The following ATP2B4 variants were observed in gnomAD, a reference collection of about 807,000 sequenced individuals.
ATP2B4 encodes the protein plasma membrane calcium-transporting ATPase 4.
Under a neutral mutation model 110.3 loss-of-function variants are expected in ATP2B4, and 39 were observed. The ratio of observed to expected loss-of-function variants is 0.35; its 90% CI spans 0.27 to 0.46. ATP2B4 has a LOEUF of 0.46. Among genes scored for constraint, ATP2B4 ranks in the 20% least tolerant of loss-of-function variants. The pLI, the probability that ATP2B4 is intolerant of heterozygous loss-of-function variation, is 1.00. For missense variants in ATP2B4, 1,135 were observed against 1,530.9 expected (o/e 0.74, Z 4.32); for synonymous variants, 538 against 571.7 (o/e 0.94, Z 0.84).
intron 20 of ATP2B4, among the ~76,000 whole-genome samples, chr1:203,730,433 G>A (rs960262225): frequency 2.6e-5 from 4 of 152,052 alleles, no homozygotes; most frequent in Non-Finnish European, 5.9e-5. Context: ...CTGACTCCAA[G>A]TACCCATAGA....
chr1:203,677,164 C>T (rs1664852544), intron 1 of ATP2B4, among the ~76,000 whole-genome samples: 1 of 151,956 alleles, frequency 6.6e-6, no homozygotes, highest in Non-Finnish European at 1.5e-5. Context: ...GGTGAGAATT[C>T]AATGAAACAG....
intron 20 of ATP2B4, chr1:203,733,518 G>T: frequency 9.0e-7 from 1 of 1,106,240 alleles, no homozygotes; most frequent in South Asian, 1.9e-5. Context: ...TTGATATTTT[G>T]ACTTAAGGGA....
intron 8 of ATP2B4, among the ~76,000 whole-genome samples, chr1:203,704,361 A>G (rs1026581840): frequency 1.3e-5 from 2 of 151,666 alleles, no homozygotes; most frequent in Admixed American, 6.6e-5. Flanking sequence ...ACTTGCCTCT[A>G]CATTTTCCTG....
In ATP2B4 at chr1:203,699,663, A is replaced by G; in HGVS notation, c.595A>G (p.Ile199Val). The change falls in exon 4 of 21, where the codon ATC becomes GTC. Residue 199 changes from isoleucine (I) to valine (V), a missense_variant. By Grantham distance (29) the Ile-to-Val change is conservative. This residue lies in a region of ATP2B4 where 101 missense variants were observed against 182.6 expected (regional missense o/e 0.55). Coordinates refer to ENST00000357681, the MANE Select transcript of ATP2B4 (RefSeq NM_001684.5). ...CTCCATCATCCGAAACGGTCAACTCATCCAGCTCCCTGTGGCTGAGATTGT... is the reference window on the plus strand; with the variant it reads ...CTCCATCATCCGAAACGGTCAACTCGTCCAGCTCCCTGTGGCTGAGATTGT... ...KFSIIRNGQLIQLPVAEIVVG... is the reference protein window; with the variant it reads ...KFSIIRNGQLVQLPVAEIVVG... The G allele has an allele frequency of 1.9e-6, 3 of 1,613,540 alleles. No homozygotes were observed. Among genetic ancestry groups the G allele is most frequent in the Non-Finnish European group, 2.5e-6 (3 of 1,179,462 alleles).
chr1:203,713,213 G>A lies in ATP2B4; in HGVS notation c.2260G>A (p.Ala754Thr), dbSNP rs757293068. The A allele has an allele frequency of 6.2e-7, 1 of 1,614,044 alleles. No individual in the cohort carries two copies. Among genetic ancestry groups the A allele is most frequent in the Non-Finnish European group, 8.5e-7 (1 of 1,180,022 alleles). Reference sequence around the variant, plus strand: ...GATCTGGCCTAAGCTTCGGGTCCTGGCGCGATCTTCTCCCACTGACAAGCA... The same window carrying A: ...GATCTGGCCTAAGCTTCGGGTCCTGACGCGATCTTCTCCCACTGACAAGCA... ...DKIWPKLRVL[A>T]RSSPTDKHTL... Residue 754 changes from alanine (A) to threonine (T), a missense_variant, in exon 14 of 21, where the codon GCG becomes ACG. Coordinates refer to ENST00000357681, the MANE Select transcript of ATP2B4 (RefSeq NM_001684.5).
intron 1 of ATP2B4, among the ~76,000 whole-genome samples, chr1:203,667,888 A>G (rs373221600): frequency 1.2e-4 from 19 of 152,324 alleles, no homozygotes; most frequent in African/African-American, 4.6e-4. Flanking sequence ...ACTGAAAAAG[A>G]TCCCTCTCTG....
chr1:203,678,996 A>T (rs905316849), intron 1 of ATP2B4, among the ~76,000 whole-genome samples: 3 of 152,230 alleles, frequency 2.0e-5, no homozygotes, highest in Non-Finnish European at 4.4e-5. Context: ...CTTAATGATC[A>T]TGTAAAGCAT....
intron 3 of ATP2B4, among the ~76,000 whole-genome samples, chr1:203,698,727 C>A (rs1035982111): frequency 6.6e-6 from 1 of 152,072 alleles, no homozygotes; most frequent in African/African-American, 2.4e-5. Flanking sequence ...ACTGCAACCT[C>A]CTGGGTTCAA....
At chr1:203,661,811 G>T (rs1364025271) in intron 1 of ATP2B4, among the ~76,000 whole-genome samples, 1 of 151,918 alleles carries the variant, frequency 6.6e-6, no homozygotes, top group Non-Finnish European at 1.5e-5. Flanking sequence ...TGACTGACCT[G>T]TGCCCCACTG....
chr1:203,699,805 G>A, intron 4 of ATP2B4, 88 bp downstream of exon 4: 15 of 1,544,802 alleles, frequency 9.7e-6, no homozygotes, highest in Non-Finnish European at 1.3e-5. Flanking sequence ...GGGAATTGCT[G>A]AAAACCCAAA....
At chr1:203,672,344 TTTTTTTTTTTTTA>T (rs1178678199) in intron 1 of ATP2B4, among the ~76,000 whole-genome samples, 42 of 107,216 alleles carry the variant, frequency 3.9e-4, no homozygotes, top group Admixed American at 7.3e-4. Context: ...TTTTTTTTTT[TTTTTTTTTTTTTA>T]AAGCTGATTT....
chr1:203,736,319 A>G (rs1666875753), intron 20 of ATP2B4, among the ~76,000 whole-genome samples: 1 of 152,110 alleles, frequency 6.6e-6, no homozygotes, highest in African/African-American at 2.4e-5. Flanking sequence ...ACAAAAAAAA[A>G]TAGCTGAGTG....
chr1:203,651,883 C>A (rs1170736171), intron 1 of ATP2B4, among the ~76,000 whole-genome samples: 2 of 151,486 alleles, frequency 1.3e-5, no homozygotes, highest in Non-Finnish European at 1.5e-5. Flanking sequence ...CATGGTGAAA[C>A]CCCGTCTCTA....
intron 1 of ATP2B4, among the ~76,000 whole-genome samples, chr1:203,680,020 G>A (rs555120331): frequency 7.6e-5 from 11 of 144,206 alleles, no homozygotes; most frequent in Non-Finnish European, 1.5e-4. Context: ...AAGATCGCAC[G>A]ACTGCATTCC....
chr1:203,713,662 A>G (rs1666078510), intron 14 of ATP2B4, among the ~76,000 whole-genome samples: 2 of 152,016 alleles, frequency 1.3e-5, no homozygotes, highest in South Asian at 4.1e-4. Context: ...ACAAGGTTTC[A>G]CCATGTTGAC....
chr1:203,663,271 G>A (rs976334724), intron 1 of ATP2B4, among the ~76,000 whole-genome samples: 1 of 151,928 alleles, frequency 6.6e-6, no homozygotes, highest in African/African-American at 2.4e-5. Flanking sequence ...AGAATTCTGC[G>A]GACTGGGAAT....
intron 2 of ATP2B4, among the ~76,000 whole-genome samples, chr1:203,692,863 AGGGGCCGTGCACCTCCCCAGCATGGGGTG>A (rs1265522099): frequency 6.6e-6 from 1 of 152,194 alleles, no homozygotes; most frequent in Non-Finnish European, 1.5e-5. Context: ...CAGCCTGGGC[AGGGGCCGTGCACCTCCCCAGCATGGGGTG>A]GGGGTGATGA....
In ATP2B4 at chr1:203,715,276, A is replaced by G. The variant is rs1026027206; in HGVS notation, c.2406+999A>G. On this transcript the variant is annotated intron_variant, in intron 15 of 20. Transcript: ENST00000357681. ...GGTGACAAAGCTAGACTCTGTCTCA[A>G]AAAACAAAAGAGATTCCCCCTCATT... 2.1e-5 allele frequency among the ~76,000 whole-genome samples: 3 copies of G among 142,460 alleles called. 1 individual carries two copies. The highest frequency in any genetic ancestry group is 7.7e-5 in the African/African-American group (3 of 39,088). 93.5% of individuals were successfully genotyped at this position (142,460 alleles called of 152,430 possible). A position where few individuals can be genotyped will look rare whatever the true frequency, so the allele number is the denominator to read the frequency against.
At chr1:203,738,595 T>G (rs954200821) in intron 20 of ATP2B4, among the ~76,000 whole-genome samples, 21 of 152,220 alleles carry the variant, frequency 1.4e-4, no homozygotes. Flanking sequence ...CACTGCCTCC[T>G]GGATTAGGTT....
Sources: allele counts gnomAD v4.1 joint callset (sites outside exome capture counted in the v4.1 genomes callset), GRCh38; gene constraint gnomAD v4.1.1; regional missense constraint gnomAD v4.1.1; transcripts MANE v1.5; gene names NCBI Gene and HGNC (gene_info 2026-07-23, HGNC 2026-07-21).